PKHD1L1: variants seen among roughly 807,000 people sequenced by gnomAD.
PKHD1L1 encodes PKHD1 like 1.
A neutral mutation model predicts 462.9 loss-of-function variants in PKHD1L1; 434 were observed. The ratio of observed to expected loss-of-function variants is 0.94; its 90% CI spans 0.87 to 1.02. PKHD1L1 has a LOEUF of 1.02. Among genes scored for constraint, PKHD1L1 ranks in the 50% least tolerant of loss-of-function variants. The pLI, the probability that PKHD1L1 is intolerant of heterozygous loss-of-function variation, is 0.00. For synonymous variants in PKHD1L1, 1,781 were observed against 1,750.0 expected, an observed-to-expected ratio of 1.02 and a Z score of -0.44; for missense variants, 5,202 against 5,096.1, an observed-to-expected ratio of 1.02 and a Z score of -0.63.
At position 109,451,097 on chromosome 8, in the gene PKHD1L1, A is replaced by G; in HGVS notation, c.6298A>G (p.Arg2100Gly). 1 of 1,613,626 alleles carries G rather than the reference A, an allele frequency of 6.2e-7. No individual in the cohort carries two copies. The highest frequency in any genetic ancestry group is 8.5e-7 in the Non-Finnish European group (1 of 1,179,666). The stretch of plus-strand genomic sequence containing the variant: ...ACTCATCACTGCAGTATCTCCTAAG[A>G]GAGGCAGTACAGCAGGGGGCACCAG... ...TPLITAVSPK[R>G]GSTAGGTRLT... Residue 2100 changes from arginine to glycine, a missense_variant, in exon 41 of 78, where the codon AGA becomes GGA. By Grantham distance (125) the Arg-to-Gly change is moderately radical. Coordinates refer to ENST00000378402, the MANE Select transcript of PKHD1L1 (RefSeq NM_177531.6).
chr8:109,433,372 G>T (rs1462226771), intron 28 of PKHD1L1, among the ~76,000 whole-genome samples, 156 bp downstream of exon 28: 1 of 152,128 alleles, frequency 6.6e-6, no homozygotes, highest in Non-Finnish European at 1.5e-5. Context: ...TGGCAACCTG[G>T]TCTATATAAT....
At chr8:109,414,171 CA>C (rs35671989) in intron 21 of PKHD1L1, among the ~76,000 whole-genome samples, 1 of 152,008 alleles carries the variant, frequency 6.6e-6, no homozygotes, top group Non-Finnish European at 1.5e-5. Flanking sequence ...ACAGTACATA[CA>C]AAAATTTCAT....
In PKHD1L1 at chr8:109,530,309, A is replaced by G. The variant is rs1821008097; in HGVS notation, c.*219A>G. 3.7e-6 allele frequency: 1 copy of G among 268,974 alleles called. No individual in the cohort carries two copies. The highest frequency in any genetic ancestry group is 2.3e-5 in the African/African-American group (1 of 44,384). 16.7% of individuals were successfully genotyped at this position (268,974 alleles called of 1,614,324 possible). A position where few individuals can be genotyped will look rare whatever the true frequency, so the allele number is the denominator to read the frequency against. On this transcript the variant is annotated 3_prime_UTR_variant, in exon 78 of 78. Coordinates refer to ENST00000378402, the MANE Select transcript of PKHD1L1 (RefSeq NM_177531.6). ...ATTTATATGTTTTTATTTCATTTCA[A>G]TAAACTTCCAGAAATTTGTCATTTG...
chr8:109,376,967 G>A (rs573857028), intron 2 of PKHD1L1, among the ~76,000 whole-genome samples: 1 of 152,312 alleles, frequency 6.6e-6, no homozygotes, highest in South Asian at 2.1e-4. Flanking sequence ...AACTGGAGGT[G>A]AGAGGCTTTG....
intron 19 of PKHD1L1, among the ~76,000 whole-genome samples, chr8:109,410,355 C>A (rs1379808458): frequency 2.0e-5 from 3 of 152,124 alleles, no homozygotes; most frequent in African/African-American, 7.2e-5. Flanking sequence ...GTTCTGTAGG[C>A]TGTACAGGAA....
chr8:109,412,161 A>G (rs1813889411), intron 19 of PKHD1L1, 104 bp from the exon 20 acceptor site: 1 of 1,105,800 alleles, frequency 9.0e-7, no homozygotes, highest in African/African-American at 1.6e-5. Flanking sequence ...TAATCAGGGA[A>G]ACAATGGGAT....
Position 109,464,282 on chromosome 8 carries a change from T to A in PKHD1L1, c.7450T>A (p.Leu2484Ile). 1 of 1,612,800 alleles carries A rather than the reference T, an allele frequency of 6.2e-7. No homozygotes were observed. Among genetic ancestry groups the A allele is most frequent in the Non-Finnish European group, 8.5e-7 (1 of 1,179,192 alleles). ...YPIHWHLLGD[L>I]QFKSYVRGCA... The stretch of plus-strand genomic sequence containing the variant: ...AATACATTGGCACCTGCTTGGAGAC[T>A]TACAGTTTAAATCTTATGTAAGAGG... Residue 2484 changes from leucine (L) to isoleucine (I), a missense_variant, in exon 49 of 78, where the codon TTA (leucine) becomes ATA (isoleucine). By Grantham distance (5) the Leu-to-Ile change is conservative (BLOSUM62 2). Transcript: ENST00000378402.
At chr8:109,494,527 C>T (rs376856158) in intron 63 of PKHD1L1, among the ~76,000 whole-genome samples, 2 of 151,848 alleles carry the variant, frequency 1.3e-5, no homozygotes, top group Non-Finnish European at 2.9e-5. Flanking sequence ...TAAAGCCAGA[C>T]GATGGAACAC....
intron 2 of PKHD1L1, among the ~76,000 whole-genome samples, chr8:109,369,032 G>C (rs199950630): frequency 1.3e-5 from 2 of 151,706 alleles, no homozygotes; most frequent in African/African-American, 4.8e-5. Flanking sequence ...CAGGCTGGAG[G>C]GCAATGGCAC....
Position 109,438,323 on chromosome 8 carries a change from GA to G in PKHD1L1, c.3631del (p.Thr1211LeufsTer32). On this transcript the variant is annotated frameshift_variant and splice_region_variant, in exon 31 of 78. Transcript: ENST00000378402. LOFTEE classifies it high-confidence loss of function. Reference sequence around the variant, plus strand: ...TTCTAATTTTTTTCCTCTTATTTTAGAAAACTGAGGGTACAGTTGATATTTC... The same window carrying G: ...TTCTAATTTTTTTCCTCTTATTTTAGAAACTGAGGGTACAGTTGATATTTC... ...LNRITCRTPKKTEGTVDISVT... is the reference protein window; with the variant it reads ...LNRITCRTPKXTEGTVDISVT... The G allele has an allele frequency of 6.8e-7, 1 of 1,474,092 alleles. No individual in the cohort carries two copies. The highest frequency in any genetic ancestry group is 1.4e-5 in the South Asian group (1 of 71,242). 91.3% of individuals were successfully genotyped at this position (1,474,092 alleles called of 1,614,324 possible).
Position 109,466,627 on chromosome 8 carries a change from T to A in PKHD1L1, c.8463T>A (p.Ser2821=), listed in dbSNP as rs568631657. ...CACACAGCTCATTGCTAGACCCTTC[T>A]CATTGTACTCAGGAAGCTGAGTGGA... The part of the protein sequence containing the change: ...VIPHSSLLDP[S]HCTQEAEWSI... The change falls in exon 50 of 78, where the codon TCT becomes TCA. Residue 2821 remains serine, a synonymous_variant. Transcript: ENST00000378402. 1 of 1,610,400 alleles carries A rather than the reference T, an allele frequency of 6.2e-7. No individual in the cohort carries two copies. The highest frequency in any genetic ancestry group is 1.1e-5 in the South Asian group (1 of 90,242).
rs60902563 is a variant in PKHD1L1, at chr8:109,364,646, C to CTTTTTT, written c.163+23_163+28dup. Reference sequence around the variant, plus strand: ...ACTATAAGAGGGGAAGGTATCGTTGCTTTTTTTTTTTTTTTTTTGCCAAGG... The same window carrying CTTTTTT: ...ACTATAAGAGGGGAAGGTATCGTTGCTTTTTTTTTTTTTTTTTTTTTTTTGCCAAGG... On this transcript the variant is annotated intron_variant, in intron 2 of 77. Coordinates refer to ENST00000378402, the MANE Select transcript of PKHD1L1 (RefSeq NM_177531.6). 1.9e-4 allele frequency: 196 copies of CTTTTTT among 1,030,264 alleles called. 2 individuals carry two copies. Among genetic ancestry groups the CTTTTTT allele is most frequent in the African/African-American group, 7.2e-4 (35 of 48,612 alleles). The allele number at this position is 1,030,264 out of a possible 1,614,324, so 63.8% of individuals were successfully genotyped here.
chr8:109,443,014 C>T lies in PKHD1L1; in HGVS notation c.4462C>T (p.His1488Tyr), dbSNP rs1294327787. The T allele has an allele frequency of 1.2e-6, 2 of 1,613,564 alleles. No individual in the cohort carries two copies. Among genetic ancestry groups the T allele is most frequent in the Non-Finnish European group, 1.7e-6 (2 of 1,179,658 alleles). ...TAGCAGCGGGTATGTTGATGAGGCTCACTCCATTTTTCTCCAAGGAGTCAT... is the reference window on the plus strand; with the variant it reads ...TAGCAGCGGGTATGTTGATGAGGCTTACTCCATTTTTCTCCAAGGAGTCAT... ...YYSSGYVDEAHSIFLQGVINV... is the reference protein window; with the variant it reads ...YYSSGYVDEAYSIFLQGVINV... Residue 1488 changes from histidine to tyrosine, a missense_variant, in exon 36 of 78, where the codon CAC becomes TAC. Transcript: ENST00000378402.
At chr8:109,392,702 T>A (rs1812770479) in intron 9 of PKHD1L1, among the ~76,000 whole-genome samples, 1 of 152,144 alleles carries the variant, frequency 6.6e-6, no homozygotes, top group African/African-American at 2.4e-5. Flanking sequence ...ACATTTTGAA[T>A]CTTACATTCA....
chr8:109,436,546 C>T, intron 30 of PKHD1L1, 87 bp downstream of exon 30: 19 of 1,547,062 alleles, frequency 1.2e-5, no homozygotes, highest in Non-Finnish European at 1.6e-5. Flanking sequence ...GGGGGTGAAA[C>T]AAGTGGTGTA....
intron 4 of PKHD1L1, 53 bp downstream of exon 4, chr8:109,382,624 C>T: frequency 2.8e-6 from 4 of 1,433,330 alleles, no homozygotes; most frequent in South Asian, 2.5e-5. Context: ...GCTTTCTTTC[C>T]TGCAGAACTG....
intron 41 of PKHD1L1, 98 bp downstream of exon 41, chr8:109,451,247 T>A: frequency 1.6e-6 from 2 of 1,286,358 alleles, no homozygotes; most frequent in Non-Finnish European, 2.1e-6. Flanking sequence ...AATACAGTCA[T>A]GCAATGTGTA....
intron 2 of PKHD1L1, among the ~76,000 whole-genome samples, chr8:109,380,047 C>A (rs1305938678): frequency 3.9e-5 from 6 of 152,136 alleles, no homozygotes; most frequent in Non-Finnish European, 8.8e-5. Context: ...TAGTGTCACC[C>A]TATTAGCTAC....
intron 14 of PKHD1L1, among the ~76,000 whole-genome samples, chr8:109,403,509 C>A (rs1475694929): frequency 6.6e-6 from 1 of 152,084 alleles, no homozygotes; most frequent in East Asian, 1.9e-4. Context: ...TATTGTCTAG[C>A]ACAAAGAAAG....
Sources: gnomAD v4.1 joint callset for allele counts (sites outside exome capture counted in the v4.1 genomes callset) on GRCh38, gnomAD v4.1.1 for gene constraint, MANE v1.5 for transcripts, NCBI Gene and HGNC (gene_info 2026-07-23, HGNC 2026-07-21) for gene names.